Variants in LCP2 observed in about 807,000 individuals in gnomAD.
LCP2 encodes the protein lymphocyte cytosolic protein 2.
LCP2 carries 29 observed loss-of-function variants against 74.5 expected under a neutral mutation model. The observed-to-expected ratio is 0.39, with a 90% CI of 0.29 to 0.53. LCP2 has a LOEUF of 0.53. LCP2 is among the 20% of genes least tolerant of loss of function. LCP2 has a pLI of 0.72. For synonymous variants in LCP2, 228 were observed against 229.5 expected (o/e 0.99, Z 0.06); for missense variants, 604 against 634.6 (o/e 0.95, Z 0.52).
At chr5:170,271,923 G>A (rs764013729) in intron 6 of LCP2, among the ~76,000 whole-genome samples, 7 of 152,196 alleles carry the variant, frequency 4.6e-5, no homozygotes, top group Admixed American at 4.6e-4. Context: ...AGAGTCCTGT[G>A]TTTGTTTTTG....
At chr5:170,270,516 A>G in intron 7 of LCP2, 1 of 543,056 alleles carries the variant, frequency 1.8e-6, no homozygotes, top group East Asian at 3.3e-5. Flanking sequence ...TACATTTATT[A>G]TCCTATTTCA....
At position 170,281,538 on chromosome 5, in the gene LCP2, C is replaced by T. The variant is rs185126898; in HGVS notation, c.189-5678G>A. Among the ~76,000 whole-genome samples the T allele has an allele frequency of 1.7e-3, 256 of 152,308 alleles. 1 individual carries two copies. The highest frequency in any genetic ancestry group is 5.8e-3 in the African/African-American group (243 of 41,560). ...CTTGTGATCCGCCCGCCTTGGCCTC[C>T]CAAAGTGCTGGGATTACAGGCATTT... On this transcript the variant is annotated intron_variant, in intron 3 of 20. Transcript: ENST00000046794.
chr5:170,264,490 C>T (rs1333460598), intron 10 of LCP2, among the ~76,000 whole-genome samples: 2 of 152,228 alleles, frequency 1.3e-5, no homozygotes, highest in Non-Finnish European at 2.9e-5. Flanking sequence ...ATGCCAGGCC[C>T]ATGATAAGAA....
chr5:170,261,059 C>A, intron 14 of LCP2, 48 bp downstream of exon 14: 1 of 1,442,998 alleles, frequency 6.9e-7, no homozygotes, highest in Non-Finnish European at 9.7e-7. Flanking sequence ...AGAGCCTATG[C>A]TTCTTTTCCC....
intron 1 of LCP2, among the ~76,000 whole-genome samples, chr5:170,295,766 T>C (rs141726969): frequency 1.3e-5 from 2 of 152,360 alleles, no homozygotes; most frequent in East Asian, 3.9e-4. Flanking sequence ...GTGGAGGGAC[T>C]AGAACTTCCA....
intron 3 of LCP2, among the ~76,000 whole-genome samples, chr5:170,281,224 G>A (rs1476269679): frequency 6.6e-6 from 1 of 152,102 alleles, no homozygotes; most frequent in African/African-American, 2.4e-5. Context: ...CACTGAATGG[G>A]ACAGGGGAGG....
intron 14 of LCP2, among the ~76,000 whole-genome samples, chr5:170,259,080 A>G (rs1321386740): frequency 2.0e-5 from 3 of 152,228 alleles, no homozygotes; most frequent in Non-Finnish European, 4.4e-5. Context: ...ACAGTCATCT[A>G]AGGGCATTCC....
At chr5:170,291,767 G>A (rs77380513) in intron 2 of LCP2, among the ~76,000 whole-genome samples, 3 of 152,306 alleles carry the variant, frequency 2.0e-5, no homozygotes, top group East Asian at 1.9e-4. Flanking sequence ...ACAGGGCGTC[G>A]TAGGCACCAT....
At chr5:170,293,627 A>G (rs1217664554) in intron 1 of LCP2, among the ~76,000 whole-genome samples, 1 of 152,240 alleles carries the variant, frequency 6.6e-6, no homozygotes, top group East Asian at 1.9e-4. Flanking sequence ...GACTGCCTTC[A>G]AGGCATGCAG....
At chr5:170,296,303 G>A (rs959289394) in intron 1 of LCP2, among the ~76,000 whole-genome samples, 1 of 152,044 alleles carries the variant, frequency 6.6e-6, no homozygotes. Context: ...ACAAAATATG[G>A]CAAAAAACAG....
In LCP2 at chr5:170,258,239, C is replaced by A. The variant is rs984441065; in HGVS notation, c.971-73G>T. 3.3e-6 allele frequency: 5 copies of A among 1,524,934 alleles called. No individual in the cohort carries two copies. The African/African-American group carries it at 6.9e-5, about 21-fold the overall frequency. 94.5% of individuals were successfully genotyped at this position (1,524,934 alleles called of 1,614,324 possible). On this transcript the variant is annotated intron_variant, in intron 15 of 20. Transcript: ENST00000046794. ...TCACTAAGAAACATTCCATAACCGCCCCCCAGTTAGAAACAGCTAGTATAA... is the reference window on the plus strand; with the variant it reads ...TCACTAAGAAACATTCCATAACCGCACCCCAGTTAGAAACAGCTAGTATAA...
intron 3 of LCP2, among the ~76,000 whole-genome samples, chr5:170,286,197 AC>A (rs1487610516): frequency 6.6e-6 from 1 of 152,190 alleles, no homozygotes; most frequent in Non-Finnish European, 1.5e-5. Flanking sequence ...GAATGGTGGG[AC>A]CCTGGTGAAC....
intron 1 of LCP2, among the ~76,000 whole-genome samples, chr5:170,296,490 A>G (rs1762387967): frequency 6.6e-6 from 1 of 152,212 alleles, no homozygotes; most frequent in South Asian, 2.1e-4. Flanking sequence ...TTCCCCAGGA[A>G]AAACACGAAG....
At chr5:170,266,672 G>A in intron 10 of LCP2, 136 bp downstream of exon 10, 1 of 773,136 alleles carries the variant, frequency 1.3e-6, no homozygotes, top group South Asian at 1.6e-5. Flanking sequence ...TCTGTAAAAT[G>A]AGGATGATTC....
intron 10 of LCP2, among the ~76,000 whole-genome samples, chr5:170,266,576 G>A (rs1377997490): frequency 6.6e-6 from 1 of 152,200 alleles, no homozygotes; most frequent in Non-Finnish European, 1.5e-5. Context: ...TTTCTAATGA[G>A]GCTGATATGG....
intron 3 of LCP2, 78 bp from the exon 4 acceptor site, chr5:170,275,938 G>A: frequency 1.5e-6 from 2 of 1,305,224 alleles, no homozygotes; most frequent in African/African-American, 1.5e-5. Flanking sequence ...GATATCCCCT[G>A]GTCTATAGAA....
chr5:170,267,135 C>G, intron 8 of LCP2, 60 bp from the exon 9 acceptor site: 3 of 1,526,956 alleles, frequency 2.0e-6, no homozygotes, highest in Non-Finnish European at 2.7e-6. Context: ...GCCGGCACTC[C>G]CAAAACCTGT....
chr5:170,251,680 C>T, intron 19 of LCP2: 1 of 455,928 alleles, frequency 2.2e-6, no homozygotes, highest in Non-Finnish European at 4.4e-6. Flanking sequence ...CTCTGCTAAA[C>T]AAACATACTT....
chr5:170,281,206 C>T (rs1381369684), intron 3 of LCP2, among the ~76,000 whole-genome samples: 1 of 151,976 alleles, frequency 6.6e-6, no homozygotes, highest in Admixed American at 6.5e-5. Context: ...CCCTGGACGG[C>T]AATTAGCCAC....
Sources: allele counts gnomAD v4.1 joint callset (sites outside exome capture counted in the v4.1 genomes callset), GRCh38; gene constraint gnomAD v4.1.1; transcripts MANE v1.5; gene names NCBI Gene and HGNC (gene_info 2026-07-23, HGNC 2026-07-21).